The following CACHD1 variants were observed in gnomAD, a reference collection of about 807,000 sequenced individuals.
CACHD1 encodes the protein VWFA and cache domain-containing protein 1.
Under a neutral mutation model 138.7 loss-of-function variants are expected in CACHD1, and 71 were observed. That is an observed-to-expected ratio of 0.51 (90% CI 0.42 to 0.62). The LOEUF is 0.62. Among genes scored for constraint, CACHD1 ranks in the 20% least tolerant of loss-of-function variants. The pLI is 0.00. For missense variants in CACHD1, 1,389 were observed against 1,625.3 expected (o/e 0.85, Z 2.50); for synonymous variants, 578 against 591.5 (o/e 0.98, Z 0.33).
At chr1:64,563,470 A>G (rs1646857875) in intron 2 of CACHD1, among the ~76,000 whole-genome samples, 1 of 152,228 alleles carries the variant, frequency 6.6e-6, no homozygotes, top group Non-Finnish European at 1.5e-5. Context: ...TAGACCTTGC[A>G]TGAAATTCTA....
At chr1:64,546,021 T>A (rs1159158021) in intron 1 of CACHD1, among the ~76,000 whole-genome samples, 1 of 152,218 alleles carries the variant, frequency 6.6e-6, no homozygotes, top group Admixed American at 6.5e-5. Flanking sequence ...TAGTATTTGA[T>A]AAAGAATTTT....
intron 1 of CACHD1, among the ~76,000 whole-genome samples, chr1:64,549,138 C>T (rs1293377433): frequency 6.6e-6 from 1 of 152,142 alleles, no homozygotes; most frequent in Non-Finnish European, 1.5e-5. Context: ...TTGCCCTAGG[C>T]ACTTGGTAAA....
chr1:64,644,829 G>T (rs1425501819), intron 8 of CACHD1, among the ~76,000 whole-genome samples: 1 of 152,262 alleles, frequency 6.6e-6, no homozygotes, highest in Non-Finnish European at 1.5e-5. Context: ...CAGGCTCAGT[G>T]GCTTACGCCT....
chr1:64,569,148 C>T (rs572443475), intron 2 of CACHD1, among the ~76,000 whole-genome samples: 49 of 151,724 alleles, frequency 3.2e-4, no homozygotes, highest in African/African-American at 9.0e-4. Flanking sequence ...CTCGAACTCC[C>T]GACATCAGGT....
Position 64,602,182 on chromosome 1 carries a change from G to A in CACHD1, c.411-624G>A, listed in dbSNP as rs1647222376. Among the ~76,000 whole-genome samples, 5 of 152,276 alleles carry A rather than the reference G, an allele frequency of 3.3e-5. 1 individual carries two copies. In the South Asian group the frequency reaches 1.0e-3, roughly 32 times the overall value. ...GCCTTATTTGCATGACAGCCTAGCA[G>A]GTACAAGCTGTGTCATGTACTATAA... On this transcript the variant is annotated intron_variant, in intron 3 of 26. Transcript: ENST00000651257.
chr1:64,566,481 C>CG (rs1646881897), intron 2 of CACHD1, among the ~76,000 whole-genome samples: 2 of 49,048 alleles, frequency 4.1e-5, no homozygotes, highest in African/African-American at 5.3e-4. Context: ...TTTTCAATTC[C>CG]CCCCCCCCCA....
intron 2 of CACHD1, among the ~76,000 whole-genome samples, chr1:64,579,503 G>A (rs1646995042): frequency 1.3e-5 from 2 of 152,108 alleles, no homozygotes; most frequent in Admixed American, 6.6e-5. Context: ...TGTTCATTAT[G>A]TTACAAAACA....
At chr1:64,503,288 A>C (rs1646350184) in intron 1 of CACHD1, among the ~76,000 whole-genome samples, 1 of 152,230 alleles carries the variant, frequency 6.6e-6, no homozygotes, top group Admixed American at 6.5e-5. Context: ...AAACACTCCA[A>C]GGACATTGAA....
chr1:64,551,705 C>T (rs12061339), intron 2 of CACHD1, among the ~76,000 whole-genome samples: 4,735 of 152,102 alleles, frequency 0.031, 119 homozygotes, highest in South Asian at 0.11. Flanking sequence ...AATAAATTAC[C>T]GTGGTTTAAT....
intron 1 of CACHD1, among the ~76,000 whole-genome samples, chr1:64,472,955 T>C (rs1359450483): frequency 1.3e-5 from 2 of 151,120 alleles, no homozygotes; most frequent in African/African-American, 4.9e-5. Context: ...TGACAAAAGG[T>C]GAAATTGGAT....
intron 1 of CACHD1, among the ~76,000 whole-genome samples, chr1:64,484,764 A>G (rs1037744140): frequency 1.3e-5 from 2 of 152,258 alleles, no homozygotes; most frequent in Non-Finnish European, 2.9e-5. Flanking sequence ...TTCACTTGGC[A>G]TAATGTCTTC....
chr1:64,480,537 A>T (rs1006609954), intron 1 of CACHD1, among the ~76,000 whole-genome samples: 1 of 152,200 alleles, frequency 6.6e-6, no homozygotes, highest in Admixed American at 6.5e-5. Flanking sequence ...TTAAATACCT[A>T]GAAGTCAGTG....
At position 64,512,442 on chromosome 1, in the gene CACHD1, G is replaced by C. The variant is rs576507397; in HGVS notation, c.199-38152G>C. ...AAAGCAGAAGCCCTCTGGAGTTCAA[G>C]GGCAAATGATTCAACTTCTGCTCTT... is the stretch of plus-strand genomic sequence containing the variant. On this transcript the variant is annotated intron_variant, in intron 1 of 26. Coordinates refer to ENST00000651257, the MANE Select transcript of CACHD1 (RefSeq NM_020925.4). 7.6e-5 allele frequency among the ~76,000 whole-genome samples: 11 copies of C among 144,594 alleles called. No homozygotes were observed. The South Asian group carries it at 2.4e-3, about 32-fold the overall frequency. 94.9% of individuals were successfully genotyped at this position (144,594 alleles called of 152,430 possible).
chr1:64,687,045 CT>C (rs1397649602), intron 26 of CACHD1, among the ~76,000 whole-genome samples: 5 of 152,192 alleles, frequency 3.3e-5, no homozygotes. Flanking sequence ...AATCTCGGCT[CT>C]TTTTGATAGA....
intron 1 of CACHD1, among the ~76,000 whole-genome samples, chr1:64,498,846 C>A (rs959127899): frequency 1.3e-5 from 2 of 152,164 alleles, no homozygotes; most frequent in Admixed American, 1.3e-4. Flanking sequence ...GGAAAATGAC[C>A]AGAAAGAAAG....
intron 1 of CACHD1, among the ~76,000 whole-genome samples, chr1:64,508,846 T>C (rs1646397163): frequency 6.6e-6 from 1 of 152,180 alleles, no homozygotes; most frequent in Non-Finnish European, 1.5e-5. Flanking sequence ...TCTGGATAAG[T>C]TGCCTCCCTA....
At chr1:64,677,253 T>C (rs1354332603) in intron 22 of CACHD1, among the ~76,000 whole-genome samples, 2 of 152,072 alleles carry the variant, frequency 1.3e-5, no homozygotes, top group African/African-American at 4.8e-5. Flanking sequence ...TGAGGGGCCA[T>C]GGCATGAAGC....
Position 64,648,024 on chromosome 1 carries a change from G to A in CACHD1, c.1380G>A (p.Glu460=). Residue 460 remains glutamate, a synonymous_variant, in exon 9 of 27, where the codon GAG becomes GAA. Transcript: ENST00000651257. ...EAVFSLPFSD[E]MGDGLIMTVS... ...TCTTCAGCCTGCCCTTCTCTGATGA[G>A]ATGGGAGATGGTGAGTTTGGATAAA... 1.9e-6 allele frequency: 3 copies of A among 1,611,722 alleles called. No individual in the cohort carries two copies. The highest frequency in any genetic ancestry group is 2.5e-6 in the Non-Finnish European group (3 of 1,178,682).
intron 4 of CACHD1, among the ~76,000 whole-genome samples, chr1:64,621,065 G>A (rs897549332): frequency 2.0e-5 from 3 of 152,114 alleles, no homozygotes; most frequent in Admixed American, 2.0e-4. Flanking sequence ...GCTTGTAAGG[G>A]CTTTAGAGTA....
Sources: gnomAD v4.1 joint callset for allele counts (sites outside exome capture counted in the v4.1 genomes callset) on GRCh38, gnomAD v4.1.1 for gene constraint, MANE v1.5 for transcripts, NCBI Gene and HGNC (gene_info 2026-07-23, HGNC 2026-07-21) for gene names.